The following GTF2E2 variants were observed in gnomAD, a reference collection of about 807,000 sequenced individuals.
GTF2E2 encodes the protein transcription initiation factor IIE subunit beta.
A neutral mutation model predicts 40.5 loss-of-function variants in GTF2E2; 21 were observed. That is an observed-to-expected ratio of 0.52 (90% CI 0.37 to 0.75). The LOEUF (loss-of-function observed/expected upper bound fraction) is 0.75, where lower values mean the gene tolerates loss of function less well. Among genes scored for constraint, GTF2E2 ranks in the 30% least tolerant of loss-of-function variants. The pLI, the probability that GTF2E2 is intolerant of heterozygous loss-of-function variation, is 0.00. For missense variants in GTF2E2, 298 were observed against 338.4 expected (o/e 0.88, Z 0.94); for synonymous variants, 117 against 121.6 (o/e 0.96, Z 0.25).
chr8:30,612,980 A>T (rs1333273937), intron 4 of GTF2E2, among the ~76,000 whole-genome samples: 2 of 152,266 alleles, frequency 1.3e-5, no homozygotes, highest in African/African-American at 2.4e-5. Context: ...AGAACAGTAG[A>T]TCAGCACGGT....
chr8:30,605,769 T>G (rs1829301502), intron 6 of GTF2E2, among the ~76,000 whole-genome samples: 1 of 152,096 alleles, frequency 6.6e-6, no homozygotes, highest in Non-Finnish European at 1.5e-5. Flanking sequence ...CAAGCTATAC[T>G]CTTGTCTCAG....
At chr8:30,607,214 A>C in intron 5 of GTF2E2, 64 bp from the exon 6 acceptor site, 1 of 634,196 alleles carries the variant, frequency 1.6e-6, no homozygotes, top group Non-Finnish European at 2.8e-6. Flanking sequence ...AAAAAAAAAA[A>C]AATTTAAACA....
Position 30,607,144 on chromosome 8 carries a change from C to T in GTF2E2, c.556G>A (p.Gly186Arg). 7.5e-7 allele frequency: 1 copy of T among 1,331,436 alleles called. No homozygotes were observed. Among genetic ancestry groups the T allele is most frequent in the Non-Finnish European group, 1.1e-6 (1 of 945,648 alleles). The allele number at this position is 1,331,436 out of a possible 1,614,324, so 82.5% of individuals were successfully genotyped here. A position where few individuals can be genotyped will look rare whatever the true frequency, so the allele number is the denominator to read the frequency against. ...CGATTTACAAATAGTATCTGGTCCC[C>T]CAAAGCCTTAAAGATAGATAAAATA... is the stretch of plus-strand genomic sequence containing the variant. ...PNSQKAVKAL[G>R]DQILFVNRPD... Residue 186 changes from glycine to arginine, a missense_variant, in exon 6 of 8, where the codon GGG becomes AGG. Physicochemically the swap from Gly to Arg is moderately radical, Grantham distance 125 (BLOSUM62 -2). Coordinates refer to ENST00000355904, the MANE Select transcript of GTF2E2 (RefSeq NM_002095.6).
chr8:30,655,830 CAG>C (rs1176702237), intron 1 of GTF2E2, among the ~76,000 whole-genome samples: 2 of 151,622 alleles, frequency 1.3e-5, no homozygotes, highest in African/African-American at 2.4e-5. Context: ...TTTTTTGAGA[CAG>C]AGTCTCGCTC....
chr8:30,593,085 T>G (rs1828894975), intron 6 of GTF2E2, among the ~76,000 whole-genome samples: 1 of 152,086 alleles, frequency 6.6e-6, no homozygotes, highest in African/African-American at 2.4e-5. Context: ...TCCCAGCTAC[T>G]CAGGAGGCTG....
intron 3 of GTF2E2, among the ~76,000 whole-genome samples, chr8:30,626,576 GCAT>G (rs1039103911): frequency 1.3e-5 from 2 of 152,152 alleles, no homozygotes; most frequent in Non-Finnish European, 2.9e-5. Flanking sequence ...TAACATATTA[GCAT>G]CTATGTCTTA....
chr8:30,635,001 A>G (rs1801544536), intron 3 of GTF2E2, 31 bp downstream of exon 3: 3 of 1,204,908 alleles, frequency 2.5e-6, no homozygotes, highest in South Asian at 1.3e-5. Context: ...AAAGTTAAAT[A>G]GGACTTTTGC....
At chr8:30,601,711 AT>A (rs1829186095) in intron 6 of GTF2E2, among the ~76,000 whole-genome samples, 1 of 152,210 alleles carries the variant, frequency 6.6e-6, no homozygotes, top group Non-Finnish European at 1.5e-5. Context: ...TAAACAAAGT[AT>A]TTTTGGCACT....
chr8:30,599,033 A>C (rs1829093826), intron 6 of GTF2E2, among the ~76,000 whole-genome samples: 1 of 152,190 alleles, frequency 6.6e-6, no homozygotes, highest in Non-Finnish European at 1.5e-5. Flanking sequence ...GATACTCTTT[A>C]TGTTCTATGA....
intron 2 of GTF2E2, among the ~76,000 whole-genome samples, chr8:30,641,664 G>A (rs1166989653): frequency 6.6e-6 from 1 of 152,146 alleles, no homozygotes. Flanking sequence ...ATTACCTGAC[G>A]TCAGGGGTTC....
intron 6 of GTF2E2, among the ~76,000 whole-genome samples, chr8:30,591,027 C>T (rs778892404): frequency 1.4e-4 from 22 of 152,102 alleles, no homozygotes; most frequent in Non-Finnish European, 2.6e-4. Flanking sequence ...AAGACACCAT[C>T]AAGAAAGTGA....
In GTF2E2 at chr8:30,618,954, T is replaced by C. The variant is rs1288884965; in HGVS notation, c.259-4239A>G. 7.2e-5 allele frequency among the ~76,000 whole-genome samples: 11 copies of C among 152,322 alleles called. No homozygotes were observed. The South Asian group carries it at 2.3e-3, about 32-fold the overall frequency. On this transcript the variant is annotated intron_variant, in intron 3 of 7. Coordinates refer to ENST00000355904, the MANE Select transcript of GTF2E2 (RefSeq NM_002095.6). ...AACTATTTTCTAACCTTCACTATTA[T>C]CTTCTTTGAGATGTAGTCTCGCCTT...
intron 3 of GTF2E2, among the ~76,000 whole-genome samples, chr8:30,629,924 G>C (rs545778137): frequency 1.3e-4 from 20 of 152,006 alleles, no homozygotes; most frequent in Middle Eastern, 3.4e-3. Context: ...GAAATCAAGA[G>C]AAAAATCATT....
At chr8:30,619,161 C>G (rs1469238283) in intron 3 of GTF2E2, among the ~76,000 whole-genome samples, 2 of 151,886 alleles carry the variant, frequency 1.3e-5, no homozygotes, top group African/African-American at 4.8e-5. Context: ...AGGATGGTCT[C>G]GATCTCCTGA....
chr8:30,586,585 G>T (rs1291829082), intron 6 of GTF2E2, among the ~76,000 whole-genome samples: 3 of 152,044 alleles, frequency 2.0e-5, no homozygotes, highest in African/African-American at 7.3e-5. Context: ...AATAGCCAAG[G>T]CAATCTTGAG....
chr8:30,608,320 G>A (rs370940602), intron 5 of GTF2E2, among the ~76,000 whole-genome samples: 2 of 152,092 alleles, frequency 1.3e-5, no homozygotes, highest in South Asian at 2.1e-4. Context: ...TTCTCATCCC[G>A]TTATTCACCA....
intron 2 of GTF2E2, among the ~76,000 whole-genome samples, chr8:30,640,734 T>C (rs1449013866): frequency 6.6e-6 from 1 of 152,222 alleles, no homozygotes; most frequent in African/African-American, 2.4e-5. Flanking sequence ...GGACGGAGTC[T>C]CACTCTATCG....
chr8:30,614,681 GTT>G lies in GTF2E2; in HGVS notation c.291_292del (p.Thr98LeufsTer3). On this transcript the variant is annotated frameshift_variant, in exon 4 of 8. Transcript: ENST00000355904. LOFTEE classifies it high-confidence loss of function. The stretch of plus-strand genomic sequence containing the variant: ...TGTTTCATCCAAAATTTCATCTAAG[GTT>G]AGAGGATGCGTATCTCCTCGCTGAT... 2 of 1,608,456 alleles carry G rather than the reference GTT, an allele frequency of 1.2e-6. No homozygotes were observed. The highest frequency in any genetic ancestry group is 1.7e-6 in the Non-Finnish European group (2 of 1,175,548).
chr8:30,621,855 C>T (rs893995742), intron 3 of GTF2E2, among the ~76,000 whole-genome samples: 3 of 151,962 alleles, frequency 2.0e-5, no homozygotes, highest in Non-Finnish European at 4.4e-5. Flanking sequence ...ACTTCCAGTA[C>T]AATACAGAAC....
Sources: allele counts gnomAD v4.1 joint callset (sites outside exome capture counted in the v4.1 genomes callset), GRCh38; gene constraint gnomAD v4.1.1; transcripts MANE v1.5; gene names NCBI Gene and HGNC (gene_info 2026-07-23, HGNC 2026-07-21).